Variants in ST3GAL3 observed in about 807,000 individuals in gnomAD.
ST3GAL3 encodes CMP-N-acetylneuraminate-beta-1,4-galactoside alpha-2,3-sialyltransferase.
ST3GAL3 carries 21 observed loss-of-function variants against 50.1 expected under a neutral mutation model. The observed-to-expected ratio is 0.42, with a 90% CI of 0.30 to 0.60. The LOEUF is 0.60. ST3GAL3 is among the 20% of genes least tolerant of loss of function. The probability of loss-of-function intolerance (pLI) is 0.19; values close to 1 mark genes in which losing one functional copy is unlikely to be tolerated. For synonymous variants in ST3GAL3, 183 were observed against 190.0 expected (o/e 0.96, Z 0.30); for missense variants, 353 against 489.4 (o/e 0.72, Z 2.63).
In ST3GAL3 at chr1:43,782,636, G is replaced by A. The variant is rs144066873; in HGVS notation, c.119-9466G>A. 2.4e-4 allele frequency among the ~76,000 whole-genome samples: 37 copies of A among 152,272 alleles called. 1 individual carries two copies. In the East Asian group the frequency reaches 6.0e-3, roughly 25 times the overall value. ...CAGCCACACTGTCATCAACGGTGAT[G>A]ATGCTGATGATAAAAACACTAACAG... On this transcript the variant is annotated intron_variant, in intron 2 of 11. Coordinates refer to ENST00000347631, the MANE Select transcript of ST3GAL3 (RefSeq NM_006279.5).
At chr1:43,744,289 G>A (rs1157329144) in intron 2 of ST3GAL3, among the ~76,000 whole-genome samples, 1 of 151,300 alleles carries the variant, frequency 6.6e-6, no homozygotes, top group East Asian at 1.9e-4. Flanking sequence ...TTGCTCTCTC[G>A]CCCATGCTGG....
intron 1 of ST3GAL3, chr1:43,727,330 A>G (rs1673420180): frequency 6.6e-6 from 1 of 151,878 alleles, no homozygotes; most frequent in South Asian, 2.1e-4. Flanking sequence ...CACTCCTGCT[A>G]TATGCTATAA....
intron 3 of ST3GAL3, among the ~76,000 whole-genome samples, chr1:43,795,886 C>T (rs2058633041): frequency 6.6e-6 from 1 of 152,156 alleles, no homozygotes; most frequent in African/African-American, 2.4e-5. Flanking sequence ...TTCCTATTTT[C>T]CCTTCAGTGT....
chr1:43,920,711 G>A, intron 10 of ST3GAL3, 71 bp from the exon 11 acceptor site: 1 of 1,612,924 alleles, frequency 6.2e-7, no homozygotes, highest in Non-Finnish European at 8.5e-7. Context: ...GAGCTTGGCT[G>A]AAGTCTCAGC....
intron 4 of ST3GAL3, among the ~76,000 whole-genome samples, chr1:43,833,793 G>A (rs1454752235): frequency 6.6e-6 from 1 of 152,142 alleles, no homozygotes; most frequent in Non-Finnish European, 1.5e-5. Flanking sequence ...GGTCCACAGG[G>A]GGATGGGTTC....
At chr1:43,736,870 T>A in intron 2 of ST3GAL3, 5 of 244,940 alleles carry the variant, frequency 2.0e-5, no homozygotes, top group South Asian at 9.6e-5. Flanking sequence ...GTTGCTGCTA[T>A]TGAACTTGCA....
intron 2 of ST3GAL3, among the ~76,000 whole-genome samples, chr1:43,791,132 A>G (rs1037922223): frequency 4.6e-5 from 7 of 152,156 alleles, no homozygotes; most frequent in African/African-American, 7.2e-5. Context: ...TCCTTCAGCT[A>G]TGAGTTCAAG....
chr1:43,746,462 ATTTT>A (rs35545005), intron 2 of ST3GAL3, among the ~76,000 whole-genome samples: 2 of 133,248 alleles, frequency 1.5e-5, no homozygotes, highest in Non-Finnish European at 1.7e-5. Flanking sequence ...TAAAATGGTA[ATTTT>A]TTTTTTTTTT....
chr1:43,900,764 G>C (rs1209532121), intron 9 of ST3GAL3: 1 of 152,338 alleles, frequency 6.6e-6, no homozygotes, highest in Non-Finnish European at 1.5e-5. Flanking sequence ...TCCCAAGCAA[G>C]GCCAAGTACA....
At chr1:43,875,955 TA>T (rs2074028513) in intron 5 of ST3GAL3, among the ~76,000 whole-genome samples, 1 of 75,886 alleles carries the variant, frequency 1.3e-5, no homozygotes, top group Non-Finnish European at 3.4e-5. Flanking sequence ...TTCTTCTTAT[TA>T]TTATTATTAT....
rs2084867772 is a variant in ST3GAL3 at position 43,930,414 on chromosome 1, A to G, written c.*193A>G. On this transcript the variant is annotated 3_prime_UTR_variant, in exon 12 of 12. Coordinates refer to ENST00000347631, the MANE Select transcript of ST3GAL3 (RefSeq NM_006279.5). ...AGACCAGCACTCAGCCTCATTCAGCATGGGTCCTTGATGCCAGAGGGCCAG... is the reference window on the plus strand; with the variant it reads ...AGACCAGCACTCAGCCTCATTCAGCGTGGGTCCTTGATGCCAGAGGGCCAG... 3 of 645,704 alleles carry G rather than the reference A, an allele frequency of 4.6e-6. No homozygotes were observed. Among genetic ancestry groups the G allele is most frequent in the Admixed American group, 2.3e-5 (1 of 43,840 alleles). 40.0% of individuals were successfully genotyped at this position (645,704 alleles called of 1,614,324 possible). A position where few individuals can be genotyped will look rare whatever the true frequency, so the allele number is the denominator to read the frequency against.
At chr1:43,795,968 A>G (rs1573003113) in intron 3 of ST3GAL3, among the ~76,000 whole-genome samples, 1 of 152,260 alleles carries the variant, frequency 6.6e-6, no homozygotes, top group East Asian at 1.9e-4. Context: ...TCAGGAAAAG[A>G]CCTCTAGTTA....
chr1:43,795,122 A>C (rs913633555), intron 3 of ST3GAL3, among the ~76,000 whole-genome samples: 11 of 152,234 alleles, frequency 7.2e-5, no homozygotes, highest in African/African-American at 2.7e-4. Context: ...AAAGTACATA[A>C]AACCTCAATG....
At chr1:43,770,854 G>A (rs954598271) in intron 2 of ST3GAL3, among the ~76,000 whole-genome samples, 20 of 152,180 alleles carry the variant, frequency 1.3e-4, no homozygotes, top group Admixed American at 3.3e-4. Flanking sequence ...ATTATGTCTG[G>A]TGAAGTTCAA....
At position 43,736,444 on chromosome 1, in the gene ST3GAL3, G is replaced by A. The variant is rs145881333; in HGVS notation, c.118+64G>A. On this transcript the variant is annotated intron_variant, in intron 2 of 11. Coordinates refer to ENST00000347631, the MANE Select transcript of ST3GAL3 (RefSeq NM_006279.5). The stretch of plus-strand genomic sequence containing the variant: ...GTTGCAGGTCAGTTACTGGTTTTTC[G>A]TGTGGCTGCGTCTCATATTCTTCAG... 246 of 1,613,782 alleles carry A rather than the reference G, an allele frequency of 1.5e-4. 1 individual carries two copies. The highest frequency in any genetic ancestry group is 1.4e-3 in the South Asian group (125 of 91,036).
At chr1:43,818,182 A>G (rs138240158) in intron 4 of ST3GAL3, among the ~76,000 whole-genome samples, 57 of 152,156 alleles carry the variant, frequency 3.7e-4, no homozygotes, top group Middle Eastern at 6.8e-3. Context: ...ATATTAACTT[A>G]TTTTCCATAT....
intron 9 of ST3GAL3, among the ~76,000 whole-genome samples, chr1:43,917,900 C>T (rs1348025057): frequency 6.7e-6 from 1 of 149,844 alleles, no homozygotes; most frequent in Non-Finnish European, 1.5e-5. Flanking sequence ...GAACTCCTGA[C>T]CTCCAGTGAT....
chr1:43,744,085 C>T (rs1000591074), intron 2 of ST3GAL3, among the ~76,000 whole-genome samples: 2 of 152,114 alleles, frequency 1.3e-5, no homozygotes, highest in Non-Finnish European at 2.9e-5. Context: ...ATGAAAAATC[C>T]TTGCATACCT....
chr1:43,732,097 C>T (rs954955663), intron 1 of ST3GAL3, among the ~76,000 whole-genome samples: 1 of 152,218 alleles, frequency 6.6e-6, no homozygotes, highest in Non-Finnish European at 1.5e-5. Context: ...GTTCTAGACA[C>T]ACTTCCCTGT....
Sources: allele counts gnomAD v4.1 joint callset (sites outside exome capture counted in the v4.1 genomes callset), GRCh38; gene constraint gnomAD v4.1.1; transcripts MANE v1.5; gene names NCBI Gene and HGNC (gene_info 2026-07-23, HGNC 2026-07-21).